TUSC3: variants seen among roughly 807,000 people sequenced by gnomAD.
TUSC3 encodes the protein tumor suppressor candidate 3.
A neutral mutation model predicts 44.8 loss-of-function variants in TUSC3; 45 were observed. That is an observed-to-expected ratio of 1.00 (90% CI 0.79 to 1.29). The LOEUF (loss-of-function observed/expected upper bound fraction) is 1.29, where lower values mean the gene tolerates loss of function less well. Among genes scored for constraint, TUSC3 ranks in the 50% most tolerant of loss-of-function variants. The pLI is 0.00. For missense variants in TUSC3, 519 were observed against 437.9 expected, an observed-to-expected ratio of 1.19 and a Z score of -1.65; for synonymous variants, 212 against 152.9, an observed-to-expected ratio of 1.39 and a Z score of -2.85.
intron 2 of TUSC3, among the ~76,000 whole-genome samples, chr8:15,496,406 A>G (rs1800880780): frequency 6.6e-6 from 1 of 152,190 alleles, no homozygotes; most frequent in Non-Finnish European, 1.5e-5. Context: ...AGAGTGTTCA[A>G]TCCAATATTC....
the TUSC3 span, among the ~76,000 whole-genome samples, chr8:15,837,036 C>G: frequency 6.6e-6 from 1 of 151,934 alleles, no homozygotes; most frequent in Non-Finnish European, 1.5e-5. Context: ...ATTCTTTTAT[C>G]ACTGTTTGTC....
At chr8:15,740,527 AG>A (rs200622135) in intron 7 of TUSC3, among the ~76,000 whole-genome samples, 60 of 150,732 alleles carry the variant, frequency 4.0e-4, no homozygotes, top group East Asian at 2.5e-3. Context: ...GGAAAAAAAA[AG>A]AACAAGCAGT....
intron 2 of TUSC3, among the ~76,000 whole-genome samples, chr8:15,486,067 A>G (rs1800728965): frequency 6.6e-6 from 1 of 152,144 alleles, no homozygotes; most frequent in African/African-American, 2.4e-5. Context: ...GTGCCTGATT[A>G]CAGACATGAG....
the TUSC3 span, among the ~76,000 whole-genome samples, chr8:15,846,937 G>C: frequency 6.6e-6 from 1 of 151,052 alleles, no homozygotes; most frequent in South Asian, 2.1e-4. Flanking sequence ...ATTCATAATA[G>C]GTGTTTCTTG....
chr8:15,792,397 T>C, the TUSC3 span, among the ~76,000 whole-genome samples: 1 of 152,300 alleles, frequency 6.6e-6, no homozygotes, highest in African/African-American at 2.4e-5. Context: ...AAAAGATTTA[T>C]CTGAAGAGAT....
the TUSC3 span, among the ~76,000 whole-genome samples, chr8:15,834,636 G>A: frequency 2.6e-5 from 4 of 151,928 alleles, no homozygotes; most frequent in Non-Finnish European, 5.9e-5. Context: ...TATGGATATG[G>A]CATATTTCAT....
Position 15,635,057 on chromosome 8 carries a change from C to CT in TUSC3, c.308+11818dup, listed in dbSNP as rs34353325. Among the ~76,000 whole-genome samples the CT allele has an allele frequency of 1.1e-4, 16 of 150,038 alleles. No individual in the cohort carries two copies. The East Asian group carries it at 1.2e-3, about 11-fold the overall frequency. On this transcript the variant is annotated intron_variant, in intron 2 of 10. Coordinates refer to ENST00000503731, the MANE Select transcript of TUSC3 (RefSeq NM_006765.4). Reference sequence around the variant, plus strand: ...CAGATTAAATCTGAATTTCCTAAGCCTTTTTTTTTTCCCCCCAAAGGTAGG... The same window carrying CT: ...CAGATTAAATCTGAATTTCCTAAGCCTTTTTTTTTTTCCCCCCAAAGGTAGG...
At chr8:15,420,893 T>A (rs1251437491) in intron 1 of TUSC3, among the ~76,000 whole-genome samples, 1 of 152,148 alleles carries the variant, frequency 6.6e-6, no homozygotes, top group Non-Finnish European at 1.5e-5. Flanking sequence ...AAGTGACCTG[T>A]CTCAGTCTTT....
intron 2 of TUSC3, among the ~76,000 whole-genome samples, chr8:15,518,552 C>G (rs1261359720): frequency 6.6e-6 from 1 of 152,022 alleles, no homozygotes; most frequent in Non-Finnish European, 1.5e-5. Context: ...CAAGTCACTT[C>G]TCCTTATGAA....
At chr8:15,820,310 CTTTTTT>C in the TUSC3 span, among the ~76,000 whole-genome samples, 1 of 97,572 alleles carries the variant, frequency 1.0e-5, no homozygotes. Context: ...ATCTGTAATT[CTTTTTT>C]TTTTTTTTTT....
chr8:15,435,256 T>A (rs186522510), intron 1 of TUSC3, among the ~76,000 whole-genome samples: 3 of 152,268 alleles, frequency 2.0e-5, no homozygotes, highest in Admixed American at 2.0e-4. Context: ...TATCTCATTG[T>A]GGTTTTGATT....
chr8:15,589,225 G>T (rs888037551), intron 1 of TUSC3, among the ~76,000 whole-genome samples: 1 of 151,994 alleles, frequency 6.6e-6, no homozygotes, highest in East Asian at 1.9e-4. Flanking sequence ...CAAGTTTTTT[G>T]TAGGCAGCAT....
intron 1 of TUSC3, among the ~76,000 whole-genome samples, chr8:15,443,318 A>G (rs1003455352): frequency 2.7e-5 from 4 of 148,986 alleles, no homozygotes; most frequent in African/African-American, 1.0e-4. Context: ...ACAGGTATAC[A>G]ACACCACACC....
intron 5 of TUSC3, among the ~76,000 whole-genome samples, chr8:15,673,034 T>C (rs1420559122): frequency 6.6e-6 from 1 of 152,048 alleles, no homozygotes. Context: ...TATTTTGTGA[T>C]TTAAACAAAA....
At chr8:15,455,689 G>T (rs116018048) in intron 1 of TUSC3, among the ~76,000 whole-genome samples, 1 of 152,136 alleles carries the variant, frequency 6.6e-6, no homozygotes, top group East Asian at 1.9e-4. Flanking sequence ...AATTACATCA[G>T]TTTAGGAGAT....
At chr8:15,502,068 A>G (rs1585067728) in intron 2 of TUSC3, among the ~76,000 whole-genome samples, 1 of 152,190 alleles carries the variant, frequency 6.6e-6, no homozygotes, top group African/African-American at 2.4e-5. Flanking sequence ...CTTATGTGTT[A>G]TCACCATCTA....
chr8:15,777,051 G>T, the TUSC3 span, among the ~76,000 whole-genome samples: 1 of 151,996 alleles, frequency 6.6e-6, no homozygotes, highest in Non-Finnish European at 1.5e-5. Flanking sequence ...ACATGTTCTC[G>T]GTTTTTAAGT....
chr8:15,496,608 C>T (rs1800883675), intron 2 of TUSC3, among the ~76,000 whole-genome samples: 1 of 152,120 alleles, frequency 6.6e-6, no homozygotes, highest in Admixed American at 6.6e-5. Flanking sequence ...CTGGGCTATT[C>T]TGTGCCTTGA....
At chr8:15,631,668 T>TTGTGTGTGTG (rs147004169) in intron 2 of TUSC3, among the ~76,000 whole-genome samples, 1 of 145,114 alleles carries the variant, frequency 6.9e-6, no homozygotes. Flanking sequence ...TTTAAGGCTG[T>TTGTGTGTGTG]TGTGTGTGTG....
Sources: gnomAD v4.1 joint callset for allele counts (sites outside exome capture counted in the v4.1 genomes callset) on GRCh38, gnomAD v4.1.1 for gene constraint, MANE v1.5 for transcripts, NCBI Gene and HGNC (gene_info 2026-07-23, HGNC 2026-07-21) for gene names.